Variants in ARFGAP3 observed in about 807,000 individuals in gnomAD.
ARFGAP3 encodes the protein ADP-ribosylation factor GTPase-activating protein 3.
A neutral mutation model predicts 75.0 loss-of-function variants in ARFGAP3; 72 were observed. That is an observed-to-expected ratio of 0.96 (90% CI 0.79 to 1.17). The LOEUF (loss-of-function observed/expected upper bound fraction) is 1.17. ARFGAP3 is among the 50% of genes most tolerant of loss of function. The pLI is 0.00. For missense variants in ARFGAP3, 620 were observed against 626.6 expected (o/e 0.99, Z 0.11); for synonymous variants, 221 against 217.9 (o/e 1.01, Z -0.13).
rs367847870 is a variant in ARFGAP3 at position 42,818,160 on chromosome 22, G to C, written c.813-303C>G. Among the ~76,000 whole-genome samples, 177 of 152,132 alleles carry C rather than the reference G, an allele frequency of 1.2e-3. 1 individual carries two copies. The highest frequency in any genetic ancestry group is 3.9e-3 in the African/African-American group (161 of 41,504). Reference sequence around the variant, plus strand: ...GTATACCCAAATCACTTCCATATGGGATAGTGAAAAGCAAGATTTCTTACT... The same window carrying C: ...GTATACCCAAATCACTTCCATATGGCATAGTGAAAAGCAAGATTTCTTACT... On this transcript the variant is annotated intron_variant, in intron 9 of 15. Transcript: ENST00000263245.
chr22:42,822,845 T>C (rs1338422945), intron 8 of ARFGAP3, among the ~76,000 whole-genome samples: 1 of 152,214 alleles, frequency 6.6e-6, no homozygotes, highest in Non-Finnish European at 1.5e-5. Context: ...GCTCTCATGC[T>C]GTTGACCAAG....
In ARFGAP3 at chr22:42,799,107, T is replaced by C; in HGVS notation, c.1465A>G (p.Lys489Glu). 1 of 1,614,220 alleles carries C rather than the reference T, an allele frequency of 6.2e-7. No homozygotes were observed. The highest frequency in any genetic ancestry group is 1.1e-5 in the South Asian group (1 of 91,084). ...CCAGCAACCGATCTCACTCCCTGCT[T>C]GAACTGCGCCATGTCGGGGGCGTTG... The part of the protein sequence containing the change: ...LPNAPDMAQF[K>E]QGVRSVAGKL... Residue 489 changes from lysine to glutamate, a missense_variant, in exon 15 of 16, where the codon AAG becomes GAG. Transcript: ENST00000263245.
At chr22:42,840,809 A>G (rs1810676983) in intron 3 of ARFGAP3, 135 bp downstream of exon 3, 1 of 878,290 alleles carries the variant, frequency 1.1e-6, no homozygotes, top group African/African-American at 1.7e-5. Flanking sequence ...ATCCTCCCAA[A>G]CGCCTGTAAT....
chr22:42,805,953 G>A (rs868623269), intron 14 of ARFGAP3, among the ~76,000 whole-genome samples: 4 of 152,174 alleles, frequency 2.6e-5, no homozygotes, highest in Admixed American at 1.3e-4. Flanking sequence ...ACTGCACCCC[G>A]AGGGCCACAG....
chr22:42,807,027 A>C, intron 14 of ARFGAP3, 46 bp downstream of exon 14: 29 of 1,538,028 alleles, frequency 1.9e-5, no homozygotes, highest in African/African-American at 4.1e-5. Context: ...AAATGTGTTC[A>C]TACCGTAGAC....
At chr22:42,835,694 G>A (rs1187774184) in intron 3 of ARFGAP3, 5 of 188,046 alleles carry the variant, frequency 2.7e-5, no homozygotes, top group East Asian at 1.9e-4. Context: ...GGTGGCGGGC[G>A]CCTGTAATCC....
chr22:42,798,339 T>C (rs949081285), intron 15 of ARFGAP3, among the ~76,000 whole-genome samples: 2 of 152,214 alleles, frequency 1.3e-5, no homozygotes, highest in Admixed American at 1.3e-4. Context: ...GGAATCTCCT[T>C]TGGAGGCACC....
chr22:42,825,503 G>A (rs1173659279), intron 7 of ARFGAP3, among the ~76,000 whole-genome samples: 1 of 151,614 alleles, frequency 6.6e-6, no homozygotes, highest in African/African-American at 2.4e-5. Context: ...GTGAAACCCC[G>A]TCTCCACTAA....
chr22:42,797,487 A>C lies in ARFGAP3; in HGVS notation c.*101T>G. ...ATATACCATATGAAAAAGTAGCAAA[A>C]CAATCTGCAAAACTATCTGGACTTC... is the stretch of plus-strand genomic sequence containing the variant. On this transcript the variant is annotated 3_prime_UTR_variant, in exon 16 of 16. Transcript: ENST00000263245. 1 of 1,486,432 alleles carries C rather than the reference A, an allele frequency of 6.7e-7. No homozygotes were observed. The highest frequency in any genetic ancestry group is 1.2e-5 in the South Asian group (1 of 86,846). 92.1% of individuals were successfully genotyped at this position (1,486,432 alleles called of 1,614,324 possible).
At chr22:42,834,401 C>T (rs1926431537) in intron 4 of ARFGAP3, 76 bp from the exon 5 acceptor site, 1 of 1,555,156 alleles carries the variant, frequency 6.4e-7, no homozygotes, top group Non-Finnish European at 8.7e-7. Flanking sequence ...CTTTCACTTC[C>T]CTTAGAGACC....
At chr22:42,798,663 T>A (rs762914923) in intron 15 of ARFGAP3, among the ~76,000 whole-genome samples, 4 of 152,244 alleles carry the variant, frequency 2.6e-5, no homozygotes, top group African/African-American at 7.2e-5. Flanking sequence ...ATCTTTTTAA[T>A]CTACGTATAG....
At chr22:42,834,203 G>A (rs762532782) in intron 5 of ARFGAP3, 39 bp downstream of exon 5, 4 of 1,578,820 alleles carry the variant, frequency 2.5e-6, no homozygotes, top group Admixed American at 1.7e-5. Context: ...AACTGTCAGA[G>A]TAAGCACACT....
At chr22:42,848,261 T>C (rs1254373111) in intron 1 of ARFGAP3, among the ~76,000 whole-genome samples, 1 of 152,222 alleles carries the variant, frequency 6.6e-6, no homozygotes, top group East Asian at 1.9e-4. Flanking sequence ...CAGGCTGGAG[T>C]GCAGCGGCAC....
At chr22:42,828,712 G>A (rs1479006214) in intron 6 of ARFGAP3, among the ~76,000 whole-genome samples, 1 of 123,534 alleles carries the variant, frequency 8.1e-6, no homozygotes, top group Admixed American at 9.4e-5. Flanking sequence ...CTGAGACAGA[G>A]TCCTGTTCTG....
chr22:42,819,312 G>T (rs758041510), intron 9 of ARFGAP3, among the ~76,000 whole-genome samples: 1 of 152,132 alleles, frequency 6.6e-6, no homozygotes, highest in African/African-American at 2.4e-5. Context: ...TTAAAATCAT[G>T]AATACATATA....
At chr22:42,852,223 T>G (rs541456871) in intron 1 of ARFGAP3, among the ~76,000 whole-genome samples, 309 of 86,582 alleles carry the variant, frequency 3.6e-3, no homozygotes, top group African/African-American at 0.022. Context: ...CATGGCTAAT[T>G]TTAATTTTTT....
At chr22:42,799,190 C>T in intron 14 of ARFGAP3, 30 bp from the exon 15 acceptor site, 3 of 1,610,956 alleles carry the variant, frequency 1.9e-6, no homozygotes, top group Non-Finnish European at 1.7e-6. Context: ...ACTGTCTCAT[C>T]ACTGCCCTGG....
At chr22:42,831,910 G>A (rs1358622023) in intron 5 of ARFGAP3, among the ~76,000 whole-genome samples, 1 of 152,068 alleles carries the variant, frequency 6.6e-6, no homozygotes, top group Non-Finnish European at 1.5e-5. Flanking sequence ...AGCCTCCTGA[G>A]TAGCTGAGAT....
Position 42,796,720 on chromosome 22 carries a change from G to A in ARFGAP3, c.*868C>T, listed in dbSNP as rs1370779485. ...TTTCTTTATTTGTTTATACACATTCGGTAATTTCTGAAAAGCAAGATTTAA... is the reference window on the plus strand; with the variant it reads ...TTTCTTTATTTGTTTATACACATTCAGTAATTTCTGAAAAGCAAGATTTAA... On this transcript the variant is annotated 3_prime_UTR_variant, in exon 16 of 16. Transcript: ENST00000263245. 1 of 151,948 alleles carries A rather than the reference G, an allele frequency of 6.6e-6. No homozygotes were observed. The highest frequency in any genetic ancestry group is 1.5e-5 in the Non-Finnish European group (1 of 68,014). The allele number at this position is 151,948 out of a possible 1,614,324, so 9.4% of individuals were successfully genotyped here.
Sources: gnomAD v4.1 joint callset for allele counts (sites outside exome capture counted in the v4.1 genomes callset) on GRCh38, gnomAD v4.1.1 for gene constraint, MANE v1.5 for transcripts, NCBI Gene and HGNC (gene_info 2026-07-23, HGNC 2026-07-21) for gene names.